Variants in SEC24D observed in about 807,000 individuals in gnomAD.
SEC24D encodes SEC24 homolog D, COPII component, also known as protein transport protein Sec24D.
A neutral mutation model predicts 116.9 loss-of-function variants in SEC24D; 69 were observed. That is an observed-to-expected ratio of 0.59 (90% CI 0.49 to 0.72). The LOEUF (loss-of-function observed/expected upper bound fraction) is 0.72, where lower values mean the gene tolerates loss of function less well. SEC24D is among the 30% of genes least tolerant of loss of function. SEC24D has a pLI of 0.00. For missense variants in SEC24D, 1,131 were observed against 1,264.1 expected (o/e 0.89, Z 1.60); for synonymous variants, 405 against 442.8 (o/e 0.91, Z 1.07).
chr4:118,775,315 T>A (rs1242966819), intron 8 of SEC24D, among the ~76,000 whole-genome samples: 1 of 119,876 alleles, frequency 8.3e-6, no homozygotes, highest in African/African-American at 3.4e-5. Flanking sequence ...ACGCTCAGGA[T>A]AACTTGTGAT....
intron 9 of SEC24D, among the ~76,000 whole-genome samples, chr4:118,767,892 G>A (rs998342811): frequency 6.6e-6 from 1 of 152,148 alleles, no homozygotes; most frequent in Admixed American, 6.5e-5. Flanking sequence ...TTCCCACTGA[G>A]GCTTTGTGGA....
intron 19 of SEC24D, among the ~76,000 whole-genome samples, chr4:118,733,873 C>T (rs1011222981): frequency 2.7e-4 from 41 of 151,932 alleles, no homozygotes; most frequent in Admixed American, 2.6e-3. Context: ...CTTCTCTCCA[C>T]CCTCACTTTG....
At chr4:118,742,316 C>T (rs1726261299) in intron 15 of SEC24D, among the ~76,000 whole-genome samples, 1 of 151,956 alleles carries the variant, frequency 6.6e-6, no homozygotes, top group Non-Finnish European at 1.5e-5. Flanking sequence ...TAGCAAGAAC[C>T]CCAGCACAAT....
chr4:118,781,325 T>C (rs938180096), intron 8 of SEC24D, among the ~76,000 whole-genome samples: 9 of 152,254 alleles, frequency 5.9e-5, no homozygotes, highest in Non-Finnish European at 1.2e-4. Context: ...TGTAAAGTAT[T>C]TTATTTCTCC....
At chr4:118,800,648 G>A (rs543113648) in intron 7 of SEC24D, among the ~76,000 whole-genome samples, 2 of 152,036 alleles carry the variant, frequency 1.3e-5, no homozygotes, top group Non-Finnish European at 2.9e-5. Context: ...TAACAACAAG[G>A]GTGATAATAA....
At chr4:118,834,956 C>A (rs1698807810) in intron 1 of SEC24D, among the ~76,000 whole-genome samples, 1 of 152,154 alleles carries the variant, frequency 6.6e-6, no homozygotes, top group Non-Finnish European at 1.5e-5. Flanking sequence ...CTATAAGTTT[C>A]CAAAATAAAA....
intron 15 of SEC24D, among the ~76,000 whole-genome samples, chr4:118,742,868 C>T (rs999557632): frequency 6.6e-6 from 1 of 152,146 alleles, no homozygotes; most frequent in African/African-American, 2.4e-5. Flanking sequence ...TGGGCACAGC[C>T]CAGCCTCTTC....
chr4:118,766,200 G>A (rs1218642907), intron 9 of SEC24D, among the ~76,000 whole-genome samples: 1 of 151,928 alleles, frequency 6.6e-6, no homozygotes, highest in African/African-American at 2.4e-5. Context: ...ATTTAATATT[G>A]TCTATCATCT....
At chr4:118,742,708 C>G (rs1400136327) in intron 15 of SEC24D, among the ~76,000 whole-genome samples, 2 of 152,164 alleles carry the variant, frequency 1.3e-5, no homozygotes, top group African/African-American at 4.8e-5. Flanking sequence ...TGATGACTAA[C>G]ATTTGTCATT....
chr4:118,821,689 T>C (rs184353944), intron 3 of SEC24D, among the ~76,000 whole-genome samples: 9 of 152,300 alleles, frequency 5.9e-5, no homozygotes, highest in African/African-American at 1.7e-4. Context: ...ACAGATAAAA[T>C]GCTAGAATCC....
chr4:118,819,167 T>C (rs924950962), intron 3 of SEC24D, among the ~76,000 whole-genome samples: 3 of 152,214 alleles, frequency 2.0e-5, no homozygotes, highest in Non-Finnish European at 4.4e-5. Flanking sequence ...AAGGTCTGTT[T>C]TGTAAATCCA....
rs770177036 is a variant in SEC24D at position 118,833,729 on chromosome 4, A to C, written c.-33T>G. 1.4e-6 allele frequency: 2 copies of C among 1,467,960 alleles called. No homozygotes were observed. The highest frequency in any genetic ancestry group is 2.8e-5 in the African/African-American group (2 of 71,498). 90.9% of individuals were successfully genotyped at this position (1,467,960 alleles called of 1,614,324 possible). A position where few individuals can be genotyped will look rare whatever the true frequency, so the allele number is the denominator to read the frequency against. ...ATATCATTCCATAGGATAATTCTAC[A>C]AAAGAAGTCTGCAACAGAGAAACAA... On this transcript the variant is annotated 5_prime_UTR_variant, in exon 2 of 23. Transcript: ENST00000280551.
At chr4:118,752,134 T>C (rs912875106) in intron 12 of SEC24D, 45 bp from the exon 13 acceptor site, 2 of 1,234,376 alleles carry the variant, frequency 1.6e-6, no homozygotes, top group Admixed American at 3.6e-5. Context: ...TTTAGCATAT[T>C]TTAATAAACT....
intron 8 of SEC24D, among the ~76,000 whole-genome samples, chr4:118,792,929 C>T (rs1011818220): frequency 2.1e-4 from 32 of 152,196 alleles, no homozygotes; most frequent in East Asian, 3.9e-4. Flanking sequence ...CATAATTTTG[C>T]TTTTTATAAA....
chr4:118,773,951 T>G (rs1728024217), intron 8 of SEC24D, among the ~76,000 whole-genome samples: 1 of 152,072 alleles, frequency 6.6e-6, no homozygotes, highest in Admixed American at 6.6e-5. Context: ...GAAAGAATAT[T>G]TTCTGAATTA....
At chr4:118,779,431 C>A (rs1326480849) in intron 8 of SEC24D, among the ~76,000 whole-genome samples, 1 of 152,156 alleles carries the variant, frequency 6.6e-6, no homozygotes, top group Non-Finnish European at 1.5e-5. Flanking sequence ...GTTGAACAAG[C>A]CTTGCATCCC....
At chr4:118,751,178 T>G (rs1243114139) in intron 13 of SEC24D, among the ~76,000 whole-genome samples, 2 of 131,992 alleles carry the variant, frequency 1.5e-5, no homozygotes, top group Non-Finnish European at 3.4e-5. Context: ...AGTGAGGGCT[T>G]TTTTTTTTTT....
Position 118,752,821 on chromosome 4 carries a change from A to G in SEC24D, c.1489T>C (p.Phe497Leu), listed in dbSNP as rs1726905542. Residue 497 changes from phenylalanine to leucine, a missense_variant, in exon 12 of 23, where the codon TTT (phenylalanine) becomes CTT (leucine). Physicochemically the swap from Phe to Leu is conservative, Grantham distance 22. Transcript: ENST00000280551. ...FITYNKVLHF[F>L]NVKSNLAQPQ... ...TGGGCCAGATTACTCTTCACATTAA[A>G]GAAATGGAGAACTTTGTTATATGTG... 1 of 1,611,016 alleles carries G rather than the reference A, an allele frequency of 6.2e-7. No homozygotes were observed. Among genetic ancestry groups the G allele is most frequent in the Non-Finnish European group, 8.5e-7 (1 of 1,178,860 alleles).
rs146106956 is a variant in SEC24D at position 118,764,884 on chromosome 4, A to G, written c.1214T>C (p.Ile405Thr). 13 of 1,609,122 alleles carry G rather than the reference A, an allele frequency of 8.1e-6. No individual in the cohort carries two copies. The highest frequency in any genetic ancestry group is 4.4e-5 in the South Asian group (4 of 90,940). Reference sequence around the variant, plus strand: ...CTCATAGTGGTCCAGTCTTCTTCCAATGTGGTCCAGATGTTGGAAATAGAA... The same window carrying G: ...CTCATAGTGGTCCAGTCTTCTTCCAGTGTGGTCCAGATGTTGGAAATAGAA... ...PPFYFQHLDH[I>T]GRRLDHYEKP... Residue 405 changes from isoleucine to threonine, a missense_variant, in exon 10 of 23, where the codon ATT becomes ACT. Coordinates refer to ENST00000280551, the MANE Select transcript of SEC24D (RefSeq NM_014822.4).
Sources: gnomAD v4.1 joint callset for allele counts (sites outside exome capture counted in the v4.1 genomes callset) on GRCh38, gnomAD v4.1.1 for gene constraint, MANE v1.5 for transcripts, NCBI Gene and HGNC (gene_info 2026-07-23, HGNC 2026-07-21) for gene names.